Variants in ANKRD11 observed in about 807,000 individuals in gnomAD.
The protein encoded by ANKRD11 is ankyrin repeat domain-containing protein 11.
A neutral mutation model predicts 195.7 loss-of-function variants in ANKRD11; 17 were observed. The ratio of observed to expected loss-of-function variants is 0.09; its 90% CI spans 0.06 to 0.13. ANKRD11 has a LOEUF of 0.13. Among genes scored for constraint, ANKRD11 ranks in the 10% least tolerant of loss-of-function variants. The probability of loss-of-function intolerance (pLI) is 1.00; values close to 1 mark genes in which losing one functional copy is unlikely to be tolerated. For missense variants in ANKRD11, 3,735 were observed against 3,566.1 expected (o/e 1.05, Z -1.21); for synonymous variants, 1,953 against 1,528.1 (o/e 1.28, Z -6.49).
chr16:89,290,317 G>C (rs1231933147), intron 6 of ANKRD11, among the ~76,000 whole-genome samples: 1 of 125,918 alleles, frequency 7.9e-6, no homozygotes, highest in Non-Finnish European at 1.7e-5. Context: ...GGCTCCAATG[G>C]GGGGAGGCTC....
intron 12 of ANKRD11, among the ~76,000 whole-genome samples, chr16:89,269,671 T>C (rs983765867): frequency 6.6e-6 from 1 of 152,144 alleles, no homozygotes; most frequent in Admixed American, 6.5e-5. Context: ...TGGTGCAATC[T>C]TGGCTTACTG....
intron 2 of ANKRD11, among the ~76,000 whole-genome samples, chr16:89,417,101 C>CT (rs2042341687): frequency 6.6e-6 from 1 of 152,214 alleles, no homozygotes; most frequent in South Asian, 2.1e-4. Flanking sequence ...CTCAGATTCC[C>CT]TTTCCTTCAA....
At chr16:89,377,841 C>T (rs1178821413) in intron 2 of ANKRD11, among the ~76,000 whole-genome samples, 1 of 151,980 alleles carries the variant, frequency 6.6e-6, no homozygotes, top group African/African-American at 2.4e-5. Flanking sequence ...GCCTCTCCTG[C>T]CTCCCCTTCT....
At position 89,428,691 on chromosome 16, in the gene ANKRD11, C is replaced by T. The variant is rs1015759071; in HGVS notation, c.-144-10323G>A. Among the ~76,000 whole-genome samples the T allele has an allele frequency of 2.0e-5, 3 of 151,476 alleles. No homozygotes were observed. The South Asian group carries it at 6.3e-4, about 32-fold the overall frequency. ...TGGATGGATCACGAAGTCAGGAGTT[C>T]GAGACCAGCCTGGCCAACATAGTGA... On this transcript the variant is annotated intron_variant, in intron 1 of 12. Transcript: ENST00000301030.
chr16:89,286,178 C>T lies in ANKRD11; in HGVS notation c.753G>A (p.Lys251=), dbSNP rs369870047. 39 of 1,613,484 alleles carry T rather than the reference C, an allele frequency of 2.4e-5. No individual in the cohort carries two copies. The highest frequency in any genetic ancestry group is 3.3e-4 in the Middle Eastern group (2 of 6,082). Reference sequence around the variant, plus strand: ...GGTTCCCTCCGTACCGCAGCAGCAGCTTCACCACCTACAAGACAGTAACAC... The same window carrying T: ...GGTTCCCTCCGTACCGCAGCAGCAGTTTCACCACCTACAAGACAGTAACAC... ...AANNGHYKVV[K]LLLRYGGNPQ... The change falls in exon 8 of 13, where the codon AAG becomes AAA. Residue 251 remains lysine (K), a synonymous_variant. Transcript: ENST00000301030.
intron 2 of ANKRD11, among the ~76,000 whole-genome samples, chr16:89,337,503 C>G (rs1332925427): frequency 8.4e-6 from 1 of 119,222 alleles, no homozygotes; most frequent in Non-Finnish European, 1.6e-5. Context: ...GTGGTGCGAT[C>G]TCAGCTCACT....
chr16:89,327,904 A>G (rs900244745), intron 2 of ANKRD11, among the ~76,000 whole-genome samples: 3 of 152,258 alleles, frequency 2.0e-5, no homozygotes, highest in Non-Finnish European at 4.4e-5. Flanking sequence ...ACAAAATTAA[A>G]AACTTTTGCT....
At chr16:89,391,171 T>C (rs950372619) in intron 2 of ANKRD11, among the ~76,000 whole-genome samples, 5 of 142,350 alleles carry the variant, frequency 3.5e-5, no homozygotes, top group Non-Finnish European at 6.0e-5. Context: ...GAGCTTGCAG[T>C]GAGCCGAGAT....
intron 2 of ANKRD11, among the ~76,000 whole-genome samples, chr16:89,409,708 A>G (rs76225018): frequency 1.5e-4 from 23 of 152,344 alleles, no homozygotes; most frequent in African/African-American, 5.3e-4. Flanking sequence ...CCATTACAAC[A>G]CTGAAGTTTA....
chr16:89,375,340 G>A (rs886994172), intron 2 of ANKRD11, among the ~76,000 whole-genome samples: 5 of 152,238 alleles, frequency 3.3e-5, no homozygotes, highest in African/African-American at 1.2e-4. Context: ...TGGAGTCCCA[G>A]CTACTCAGAA....
chr16:89,361,827 T>C (rs982895152), intron 2 of ANKRD11: 3 of 152,092 alleles, frequency 2.0e-5, no homozygotes, highest in Non-Finnish European at 4.4e-5. Flanking sequence ...ACCCTAAACA[T>C]TTAAAAACAA....
intron 2 of ANKRD11, among the ~76,000 whole-genome samples, chr16:89,335,952 G>A (rs766196364): frequency 1.9e-4 from 29 of 152,198 alleles, no homozygotes; most frequent in Non-Finnish European, 3.8e-4. Flanking sequence ...AAACATGACC[G>A]TGCAACATGC....
intron 1 of ANKRD11, among the ~76,000 whole-genome samples, chr16:89,445,997 T>C (rs1247211148): frequency 1.3e-5 from 2 of 149,168 alleles, no homozygotes; most frequent in Non-Finnish European, 3.0e-5. Flanking sequence ...AAAAAATTTT[T>C]TGTTAAAAAA....
rs553997963 is a variant in ANKRD11, at chr16:89,470,082, A to AT, written c.-145+20162dup. Among the ~76,000 whole-genome samples the AT allele has an allele frequency of 5.6e-3, 842 of 150,794 alleles. 9 individuals are homozygous for AT. Among genetic ancestry groups the AT allele is most frequent in the African/African-American group, 0.02 (804 of 41,122 alleles). On this transcript the variant is annotated intron_variant, in intron 1 of 12. Transcript: ENST00000301030. ...CACCACGCCCGGCTAATTTTTTTGTATTTTTAGTAGAGACGGGGTTTCACC... is the reference window on the plus strand; with the variant it reads ...CACCACGCCCGGCTAATTTTTTTGTATTTTTTAGTAGAGACGGGGTTTCACC...
chr16:89,374,259 A>G (rs964762092), intron 2 of ANKRD11, among the ~76,000 whole-genome samples: 4 of 152,200 alleles, frequency 2.6e-5, no homozygotes, highest in African/African-American at 9.6e-5. Context: ...ATGCTTATTG[A>G]ACCTAGTAAT....
chr16:89,329,700 A>G (rs1391926859), intron 2 of ANKRD11, among the ~76,000 whole-genome samples: 1 of 152,240 alleles, frequency 6.6e-6, no homozygotes, highest in Non-Finnish European at 1.5e-5. Context: ...CTTTGGAATC[A>G]TGCATTTTAC....
intron 2 of ANKRD11, among the ~76,000 whole-genome samples, chr16:89,350,907 T>G (rs1188042321): frequency 6.6e-6 from 1 of 152,174 alleles, no homozygotes; most frequent in African/African-American, 2.4e-5. Context: ...ACGATTTCTT[T>G]CCACGATTCA....
intron 1 of ANKRD11, among the ~76,000 whole-genome samples, chr16:89,488,232 C>T (rs1170239722): frequency 6.6e-6 from 1 of 152,100 alleles, no homozygotes; most frequent in Non-Finnish European, 1.5e-5. Flanking sequence ...AGAGGCATCA[C>T]GAAGAACAGA....
intron 2 of ANKRD11, among the ~76,000 whole-genome samples, chr16:89,407,519 T>G (rs1278380992): frequency 6.6e-6 from 1 of 151,990 alleles, no homozygotes; most frequent in African/African-American, 2.4e-5. Context: ...CGCACACACC[T>G]AAGAAACAAA....
Sources: allele counts gnomAD v4.1 joint callset (sites outside exome capture counted in the v4.1 genomes callset), GRCh38; gene constraint gnomAD v4.1.1; transcripts MANE v1.5; gene names NCBI Gene and HGNC (gene_info 2026-07-23, HGNC 2026-07-21).